Variants in POU6F2 observed in about 807,000 individuals in gnomAD.
POU6F2 encodes the protein POU domain, class 6, transcription factor 2.
In POU6F2, 31 loss-of-function variants were observed where a neutral mutation model predicts 71.3. The ratio of observed to expected loss-of-function variants is 0.43; its 90% CI spans 0.33 to 0.59. The LOEUF (loss-of-function observed/expected upper bound fraction) is 0.59, where lower values mean the gene tolerates loss of function less well. Ranked by LOEUF, POU6F2 falls within the 20% of genes least tolerant of loss-of-function variation. The pLI is 0.04. For missense variants in POU6F2, 783 were observed against 856.8 expected (o/e 0.91, Z 1.07); for synonymous variants, 347 against 355.7 (o/e 0.98, Z 0.27).
intron 6 of POU6F2, among the ~76,000 whole-genome samples, chr7:39,409,984 GTCA>G (rs146787328): frequency 6.6e-6 from 1 of 152,324 alleles, no homozygotes; most frequent in African/African-American, 2.4e-5. Context: ...CCATTCGTGT[GTCA>G]TTCATTCAAA....
chr7:39,224,900 C>T (rs1794432921), intron 4 of POU6F2, among the ~76,000 whole-genome samples: 1 of 152,190 alleles, frequency 6.6e-6, no homozygotes, highest in African/African-American at 2.4e-5. Flanking sequence ...CCTGGGACAG[C>T]CTTGTCAGTG....
chr7:39,236,691 C>T (rs1794682414), intron 4 of POU6F2, among the ~76,000 whole-genome samples: 1 of 152,076 alleles, frequency 6.6e-6, no homozygotes, highest in Non-Finnish European at 1.5e-5. Flanking sequence ...CATGCTACTT[C>T]ATTTATCATA....
At chr7:39,176,946 C>A (rs1299794122) in intron 2 of POU6F2, among the ~76,000 whole-genome samples, 3 of 152,180 alleles carry the variant, frequency 2.0e-5, no homozygotes, top group Non-Finnish European at 4.4e-5. Flanking sequence ...TAGAAACTTG[C>A]CCATAGAAAG....
intron 6 of POU6F2, among the ~76,000 whole-genome samples, chr7:39,429,530 C>T (rs2073544): frequency 0.33 from 49,843 of 152,074 alleles, 9,090 homozygotes; most frequent in East Asian, 0.58. Context: ...CCTGCCCCAG[C>T]TGCATCTTCT....
chr7:39,298,928 T>A (rs1230970883), intron 4 of POU6F2, among the ~76,000 whole-genome samples: 1 of 152,156 alleles, frequency 6.6e-6, no homozygotes, highest in Non-Finnish European at 1.5e-5. Flanking sequence ...ACACCACATG[T>A]TCTCACTTGT....
intron 5 of POU6F2, among the ~76,000 whole-genome samples, chr7:39,340,837 C>T (rs1486576980): frequency 8.8e-6 from 1 of 113,308 alleles, no homozygotes; most frequent in East Asian, 2.9e-4. Context: ...AGCTTCAAAA[C>T]ATAATGACTG....
intron 4 of POU6F2, among the ~76,000 whole-genome samples, chr7:39,231,816 GA>G (rs890951610): frequency 8.6e-5 from 13 of 151,582 alleles, no homozygotes; most frequent in African/African-American, 1.5e-4. Context: ...AGATGTGAAA[GA>G]AAAAAAAATT....
chr7:39,175,711 C>T (rs1037013185), intron 2 of POU6F2, among the ~76,000 whole-genome samples: 6 of 152,128 alleles, frequency 3.9e-5, no homozygotes, highest in African/African-American at 1.4e-4. Context: ...GCCAGAGAAA[C>T]CATGAAAATC....
At chr7:39,298,312 T>C (rs373351060) in intron 4 of POU6F2, among the ~76,000 whole-genome samples, 7 of 151,952 alleles carry the variant, frequency 4.6e-5, no homozygotes, top group African/African-American at 1.5e-4. Flanking sequence ...TTAAACAAAT[T>C]TACAAGAAAA....
intron 1 of POU6F2, among the ~76,000 whole-genome samples, chr7:39,007,185 C>T (rs1161852086): frequency 6.6e-6 from 1 of 152,150 alleles, no homozygotes; most frequent in Non-Finnish European, 1.5e-5. Context: ...ATACAAGCTG[C>T]ACATAAATAA....
At chr7:39,130,618 G>A (rs1399618247) in intron 2 of POU6F2, among the ~76,000 whole-genome samples, 1 of 152,134 alleles carries the variant, frequency 6.6e-6, no homozygotes, top group African/African-American at 2.4e-5. Flanking sequence ...GCAAATATAT[G>A]TGGAAAACTC....
chr7:39,400,634 G>A (rs1355478405), intron 5 of POU6F2, among the ~76,000 whole-genome samples: 1 of 152,140 alleles, frequency 6.6e-6, no homozygotes, highest in African/African-American at 2.4e-5. Context: ...CCTCGAGCTG[G>A]GTCAGTTTTC....
At position 39,015,734 on chromosome 7, in the gene POU6F2, T is replaced by G. The variant is rs1346238757; in HGVS notation, c.105+37676T>G. ...ATGTTATATAGAGATATATAACATA[T>G]AGATATATATTATATATTATATATA... is the stretch of plus-strand genomic sequence containing the variant. On this transcript the variant is annotated intron_variant, in intron 1 of 9. Coordinates refer to ENST00000518318, the MANE Select transcript of POU6F2 (RefSeq NM_001370959.1). Among the ~76,000 whole-genome samples, 39 of 101,420 alleles carry G rather than the reference T, an allele frequency of 3.8e-4. No individual in the cohort carries two copies. In the South Asian group the frequency reaches 0.011, roughly 28 times the overall value. 66.5% of individuals were successfully genotyped at this position (101,420 alleles called of 152,430 possible). A position where few individuals can be genotyped will look rare whatever the true frequency, so the allele number is the denominator to read the frequency against.
At chr7:39,252,024 T>C (rs1783929754) in intron 4 of POU6F2, among the ~76,000 whole-genome samples, 1 of 152,172 alleles carries the variant, frequency 6.6e-6, no homozygotes, top group South Asian at 2.1e-4. Flanking sequence ...CTAAAAATTG[T>C]TCCTGTCCGC....
At chr7:39,328,841 G>A (rs1352956001) in intron 4 of POU6F2, among the ~76,000 whole-genome samples, 2 of 152,118 alleles carry the variant, frequency 1.3e-5, no homozygotes, top group Non-Finnish European at 2.9e-5. Flanking sequence ...GACCAGATAG[G>A]GCATGGCCTC....
chr7:39,085,411 C>T (rs1791217095), intron 1 of POU6F2, among the ~76,000 whole-genome samples: 1 of 151,946 alleles, frequency 6.6e-6, no homozygotes, highest in African/African-American at 2.4e-5. Context: ...TTAAAATAGC[C>T]CGTGGTTCCT....
intron 2 of POU6F2, among the ~76,000 whole-genome samples, chr7:39,086,969 A>G (rs1321525870): frequency 6.6e-6 from 1 of 151,972 alleles, no homozygotes; most frequent in African/African-American, 2.4e-5. Context: ...GTGTGTGCAC[A>G]CACACATAGA....
chr7:39,324,092 A>G (rs1409651377), intron 4 of POU6F2, among the ~76,000 whole-genome samples: 2 of 149,756 alleles, frequency 1.3e-5, no homozygotes, highest in East Asian at 3.9e-4. Flanking sequence ...TGGGGACAAG[A>G]GCAAAACTAC....
intron 5 of POU6F2, among the ~76,000 whole-genome samples, chr7:39,388,426 C>T (rs112733676): frequency 0.014 from 2,172 of 152,290 alleles, 41 homozygotes; most frequent in African/African-American, 0.05. Flanking sequence ...AGTGATTCTC[C>T]TGCCTCAGCC....
Sources: allele counts gnomAD v4.1 joint callset (sites outside exome capture counted in the v4.1 genomes callset), GRCh38; gene constraint gnomAD v4.1.1; transcripts MANE v1.5; gene names NCBI Gene and HGNC (gene_info 2026-07-23, HGNC 2026-07-21).